NINJ2: variants seen among roughly 807,000 people sequenced by gnomAD.
The protein encoded by NINJ2 is ninjurin-2.
A neutral mutation model predicts 11.7 loss-of-function variants in NINJ2; 12 were observed. The observed-to-expected ratio is 1.02, with a 90% CI of 0.66 to 1.66. The LOEUF is 1.66. Among genes scored for constraint, NINJ2 ranks in the 40% most tolerant of loss-of-function variants. The probability of loss-of-function intolerance (pLI) is 0.00; values close to 1 mark genes in which losing one functional copy is unlikely to be tolerated. For synonymous variants in NINJ2, 93 were observed against 76.8 expected (o/e 1.21, Z -1.10); for missense variants, 187 against 181.8 (o/e 1.03, Z -0.16).
chr12:584,242 G>C (rs1414305661), intron 1 of NINJ2, among the ~76,000 whole-genome samples: 1 of 152,214 alleles, frequency 6.6e-6, no homozygotes, highest in African/African-American at 2.4e-5. Flanking sequence ...CAGGGATGGG[G>C]AGAGAATCGT....
intron 1 of NINJ2, among the ~76,000 whole-genome samples, chr12:568,876 A>ACCCCCC (rs5795931): frequency 1.8e-4 from 20 of 112,820 alleles, no homozygotes; most frequent in Non-Finnish European, 2.4e-4. Context: ...CTGTGAGGAC[A>ACCCCCC]CCCCCCCCCC....
At chr12:622,435 G>GGAAA (rs921179385) in intron 1 of NINJ2, among the ~76,000 whole-genome samples, 14 of 108,434 alleles carry the variant, frequency 1.3e-4, no homozygotes, top group Non-Finnish European at 1.7e-4. Flanking sequence ...AAAAAAAAAA[G>GGAAA]GAAAGAAAGA....
At chr12:630,265 AAAGT>A (rs1490562141) in intron 1 of NINJ2, among the ~76,000 whole-genome samples, 1 of 152,174 alleles carries the variant, frequency 6.6e-6, no homozygotes, top group Non-Finnish European at 1.5e-5. Context: ...TTTTTGAAAG[AAAGT>A]GACTCTTCAG....
chr12:618,065 C>T (rs547218086), intron 1 of NINJ2, among the ~76,000 whole-genome samples: 1 of 151,984 alleles, frequency 6.6e-6, no homozygotes, highest in South Asian at 2.1e-4. Context: ...AGCCTCCTCT[C>T]TCTCCTTCGG....
Position 565,304 on chromosome 12 carries a change from A to C in NINJ2, c.360T>G (p.Val120=). 6.2e-7 allele frequency: 1 copy of C among 1,614,192 alleles called. No individual in the cohort carries two copies. Among genetic ancestry groups the C allele is most frequent in the Non-Finnish European group, 8.5e-7 (1 of 1,180,030 alleles). The change falls in exon 3 of 4, where the codon GTT becomes GTG. Residue 120 remains valine (V), a synonymous_variant. Transcript: ENST00000305108. ...ILVFFTVVIN[V]FITAFGAHKT... ...TATGTGCCCCGAAGGCTGTAATGAA[A>C]ACATTGATGACCACAGTGAAGAAGA...
rs912745490 is a variant in NINJ2 at position 628,653 on chromosome 12, T to A, written c.33+34675A>T. Among the ~76,000 whole-genome samples, 1 of 151,902 alleles carries A rather than the reference T, an allele frequency of 6.6e-6. No individual in the cohort carries two copies. Among genetic ancestry groups the A allele is most frequent in the Non-Finnish European group, 1.5e-5 (1 of 67,958 alleles). ...AGGTTAGGCATTCTTAGTCACAGGATGAGATAGGAGGTCAGCACAAGACAC... is the reference window on the plus strand; with the variant it reads ...AGGTTAGGCATTCTTAGTCACAGGAAGAGATAGGAGGTCAGCACAAGACAC... On this transcript the variant is annotated intron_variant, in intron 1 of 3. Coordinates refer to ENST00000305108, the MANE Select transcript of NINJ2 (RefSeq NM_016533.6). The surrounding 1 kb of genome is among the most constrained non-coding windows in gnomAD (Gnocchi z 4.4).
chr12:616,176 G>A (rs917576783), intron 1 of NINJ2, among the ~76,000 whole-genome samples: 1 of 152,204 alleles, frequency 6.6e-6, no homozygotes, highest in African/African-American at 2.4e-5. Context: ...TTGAAGCAAA[G>A]TCCTATAGTC....
At chr12:647,981 A>G (rs891102314) in intron 1 of NINJ2, among the ~76,000 whole-genome samples, 1 of 152,200 alleles carries the variant, frequency 6.6e-6, no homozygotes, top group Non-Finnish European at 1.5e-5. Flanking sequence ...TGGTGTAGTA[A>G]TGACCACTGG....
chr12:624,880 G>C (rs1446929101), intron 1 of NINJ2, among the ~76,000 whole-genome samples: 2 of 145,406 alleles, frequency 1.4e-5, no homozygotes, highest in African/African-American at 5.1e-5. Context: ...AGGCCGAGGT[G>C]GGTGGATCAC....
At position 606,702 on chromosome 12, in the gene NINJ2, G is replaced by T. The variant is rs575968975; in HGVS notation, c.34-40524C>A. Among the ~76,000 whole-genome samples the T allele has an allele frequency of 2.1e-4, 32 of 152,318 alleles. 1 individual carries two copies. The South Asian group carries it at 6.6e-3, about 32-fold the overall frequency. Reference sequence around the variant, plus strand: ...TATACTCAACCCACTAGCAATTGCGGGAAGACGGTTTAGGTAAGTTAGTCC... The same window carrying T: ...TATACTCAACCCACTAGCAATTGCGTGAAGACGGTTTAGGTAAGTTAGTCC... On this transcript the variant is annotated intron_variant, in intron 1 of 3. Transcript: ENST00000305108.
At chr12:659,697 T>C (rs1592121679) in intron 1 of NINJ2, among the ~76,000 whole-genome samples, 1 of 152,226 alleles carries the variant, frequency 6.6e-6, no homozygotes, top group African/African-American at 2.4e-5. Flanking sequence ...TCACAGGTCT[T>C]GACCTGGAGA....
chr12:632,665 T>A (rs1184898928), intron 1 of NINJ2: 1 of 151,778 alleles, frequency 6.6e-6, no homozygotes, highest in African/African-American at 2.4e-5. Context: ...AAGTACTAGG[T>A]CCTGAGGAGG....
chr12:602,256 T>G (rs1386440887), intron 1 of NINJ2, among the ~76,000 whole-genome samples: 1 of 152,214 alleles, frequency 6.6e-6, no homozygotes, highest in Admixed American at 6.5e-5. Context: ...CAATCCATTC[T>G]AGAACATTTT....
At chr12:653,130 C>T (rs1937820335) in intron 1 of NINJ2, among the ~76,000 whole-genome samples, 1 of 145,002 alleles carries the variant, frequency 6.9e-6, no homozygotes, top group South Asian at 2.2e-4. Flanking sequence ...ACACCATTCT[C>T]CTGCCTCAGC....
intron 1 of NINJ2, among the ~76,000 whole-genome samples, chr12:602,807 G>A (rs1947889114): frequency 6.6e-6 from 1 of 152,136 alleles, no homozygotes; most frequent in Admixed American, 6.6e-5. Context: ...CCTAATGAGT[G>A]TAAAGTGCTG....
At chr12:597,136 G>A (rs1034642079) in intron 1 of NINJ2, among the ~76,000 whole-genome samples, 5 of 152,180 alleles carry the variant, frequency 3.3e-5, no homozygotes, top group Non-Finnish European at 7.3e-5. Context: ...CTACAAAGGG[G>A]AAAAATGGAA....
In NINJ2 at chr12:622,037, G is replaced by T. The variant is rs546316811; in HGVS notation, c.33+41291C>A. 2.6e-5 allele frequency among the ~76,000 whole-genome samples: 4 copies of T among 151,000 alleles called. No individual in the cohort carries two copies. In the East Asian group the frequency reaches 7.8e-4, roughly 29 times the overall value. On this transcript the variant is annotated intron_variant, in intron 1 of 3. Coordinates refer to ENST00000305108, the MANE Select transcript of NINJ2 (RefSeq NM_016533.6). ...GCTCAGGAGGCTGAGGTAGAGAACT[G>T]CTTGAACCTGGGAGGCGGAGGCTGC... is the stretch of plus-strand genomic sequence containing the variant.
At chr12:575,705 T>C (rs1947447253) in intron 1 of NINJ2, among the ~76,000 whole-genome samples, 1 of 152,166 alleles carries the variant, frequency 6.6e-6, no homozygotes, top group Non-Finnish European at 1.5e-5. Flanking sequence ...AGGTACACAA[T>C]GAATGATGAT....
chr12:567,968 T>C (rs1469423144), intron 1 of NINJ2, among the ~76,000 whole-genome samples: 3 of 152,138 alleles, frequency 2.0e-5, no homozygotes, highest in Non-Finnish European at 4.4e-5. Flanking sequence ...GATCGCACCA[T>C]TGCACTCTAG....
Sources: gnomAD v4.1 joint callset for allele counts (sites outside exome capture counted in the v4.1 genomes callset) on GRCh38, gnomAD v4.1.1 for gene constraint, Gnocchi (gnomAD v3.1) non-coding constraint, MANE v1.5 for transcripts, NCBI Gene and HGNC (gene_info 2026-07-23, HGNC 2026-07-21) for gene names.